Variants in BMP5 observed in about 807,000 individuals in gnomAD.
BMP5 encodes bone morphogenetic protein 5.
In BMP5, 23 loss-of-function variants were observed where a neutral mutation model predicts 46.6. That is an observed-to-expected ratio of 0.49 (90% CI 0.35 to 0.70). BMP5 has a LOEUF of 0.70. Among genes scored for constraint, BMP5 ranks in the 30% least tolerant of loss-of-function variants. The pLI is 0.00. For missense variants in BMP5, 545 were observed against 565.6 expected (o/e 0.96, Z 0.37); for synonymous variants, 204 against 191.9 (o/e 1.06, Z -0.52).
At chr6:55,791,716 CA>C (rs1562039842) in intron 3 of BMP5, among the ~76,000 whole-genome samples, 1 of 151,692 alleles carries the variant, frequency 6.6e-6, no homozygotes, top group Admixed American at 6.6e-5. Flanking sequence ...GGGGAAAAAA[CA>C]AAAAGAGAAA....
At chr6:55,846,303 G>C (rs973798780) in intron 1 of BMP5, among the ~76,000 whole-genome samples, 1 of 151,864 alleles carries the variant, frequency 6.6e-6, no homozygotes, top group Non-Finnish European at 1.5e-5. Context: ...AATAGAAAGG[G>C]AAATATAAAT....
At chr6:55,827,074 C>T (rs1240039898) in intron 1 of BMP5, among the ~76,000 whole-genome samples, 1 of 151,696 alleles carries the variant, frequency 6.6e-6, no homozygotes, top group East Asian at 1.9e-4. Flanking sequence ...CTTCCTTTTT[C>T]CTCTACCTTA....
chr6:55,772,583 T>C (rs1196555107), intron 4 of BMP5, among the ~76,000 whole-genome samples: 2 of 151,932 alleles, frequency 1.3e-5, no homozygotes, highest in African/African-American at 4.8e-5. Context: ...GAAAAGGTCT[T>C]AGAAAGTTAT....
At chr6:55,812,382 G>T (rs918468060) in intron 2 of BMP5, among the ~76,000 whole-genome samples, 2 of 152,018 alleles carry the variant, frequency 1.3e-5, no homozygotes, top group African/African-American at 4.8e-5. Flanking sequence ...AAGAAAAGAG[G>T]TGACATAATG....
At chr6:55,763,732 T>C (rs1171438211) in intron 4 of BMP5, among the ~76,000 whole-genome samples, 1 of 152,150 alleles carries the variant, frequency 6.6e-6, no homozygotes, top group Non-Finnish European at 1.5e-5. Flanking sequence ...ACATGTCTTA[T>C]CCATAGTGCA....
At chr6:55,857,187 G>T (rs12201711) in intron 1 of BMP5, among the ~76,000 whole-genome samples, 1 of 152,076 alleles carries the variant, frequency 6.6e-6, no homozygotes, top group South Asian at 2.1e-4. Context: ...TCACTCAACT[G>T]CTTCTTCAGT....
intron 2 of BMP5, among the ~76,000 whole-genome samples, 190 bp from the exon 3 acceptor site, chr6:55,794,617 C>A (rs891994692): frequency 1.3e-5 from 2 of 152,158 alleles, no homozygotes; most frequent in African/African-American, 4.8e-5. Context: ...CCAACCAAAC[C>A]TGGTACAAAT....
chr6:55,845,453 C>T lies in BMP5; in HGVS notation c.491-25606G>A, dbSNP rs146900480. 3.4e-3 allele frequency among the ~76,000 whole-genome samples: 517 copies of T among 151,904 alleles called. 2 individuals are homozygous for T. Among genetic ancestry groups the T allele is most frequent in the African/African-American group, 0.011 (469 of 41,494 alleles). On this transcript the variant is annotated intron_variant, in intron 1 of 6. Transcript: ENST00000370830. ...ATGTAGTGACATAACCACAAGGCGACGGGATTTCCATGGATTGTGTGAATA... is the reference window on the plus strand; with the variant it reads ...ATGTAGTGACATAACCACAAGGCGATGGGATTTCCATGGATTGTGTGAATA...
chr6:55,854,796 TACTC>T (rs1274231469), intron 1 of BMP5, among the ~76,000 whole-genome samples: 1 of 152,178 alleles, frequency 6.6e-6, no homozygotes, highest in Non-Finnish European at 1.5e-5. Context: ...CTTTTAAAAA[TACTC>T]AATTTCAATT....
chr6:55,783,905 T>C (rs1390010069), intron 3 of BMP5, among the ~76,000 whole-genome samples: 2 of 151,932 alleles, frequency 1.3e-5, no homozygotes, highest in Non-Finnish European at 2.9e-5. Flanking sequence ...AAAGAAACCT[T>C]AAAAATTAGT....
intron 1 of BMP5, among the ~76,000 whole-genome samples, chr6:55,869,336 C>A (rs1376051779): frequency 1.3e-5 from 2 of 152,130 alleles, no homozygotes; most frequent in South Asian, 2.1e-4. Context: ...GAAAAACCAG[C>A]CTTTAATGAC....
At chr6:55,830,368 A>G (rs1339137349) in intron 1 of BMP5, among the ~76,000 whole-genome samples, 11 of 152,002 alleles carry the variant, frequency 7.2e-5, no homozygotes, top group Admixed American at 7.2e-4. Context: ...ACAGTCTCAT[A>G]TTTGGGTTGA....
intron 1 of BMP5, among the ~76,000 whole-genome samples, chr6:55,823,629 T>C (rs1776461640): frequency 6.6e-6 from 1 of 152,128 alleles, no homozygotes; most frequent in East Asian, 1.9e-4. Context: ...GGAGTGTGTT[T>C]TTCTGAATAT....
intron 5 of BMP5, 61 bp downstream of exon 5, chr6:55,760,396 A>G: frequency 1.4e-6 from 2 of 1,466,160 alleles, no homozygotes; most frequent in Non-Finnish European, 1.9e-6. Context: ...AAAGACTATG[A>G]CTTATTAAGG....
chr6:55,851,673 C>A (rs1006509822), intron 1 of BMP5, among the ~76,000 whole-genome samples: 1 of 152,106 alleles, frequency 6.6e-6, no homozygotes, highest in Non-Finnish European at 1.5e-5. Context: ...GCAAGTATAA[C>A]TTCGGTAAAA....
intron 1 of BMP5, among the ~76,000 whole-genome samples, chr6:55,847,487 G>A (rs1313379787): frequency 6.6e-6 from 1 of 151,808 alleles, no homozygotes; most frequent in Non-Finnish European, 1.5e-5. Flanking sequence ...GGCCTTAAAG[G>A]TAGACTGATA....
At chr6:55,785,230 G>T (rs1258363415) in intron 3 of BMP5, among the ~76,000 whole-genome samples, 1 of 151,784 alleles carries the variant, frequency 6.6e-6, no homozygotes, top group East Asian at 1.9e-4. Flanking sequence ...TGAAATCAGC[G>T]TATAAAAAAG....
In BMP5 at chr6:55,870,018, G is replaced by A. The variant is rs74500683; in HGVS notation, c.490+4358C>T. On this transcript the variant is annotated intron_variant, in intron 1 of 6. Coordinates refer to ENST00000370830, the MANE Select transcript of BMP5 (RefSeq NM_021073.4). The stretch of plus-strand genomic sequence containing the variant: ...TGGGGCTACAGAGACCAAGAACAAG[G>A]AGGAAAGGCCAAAAAATACTGGGAT... Among the ~76,000 whole-genome samples the A allele has an allele frequency of 5.6e-3, 857 of 152,154 alleles. 13 individuals are homozygous for A. The highest frequency in any genetic ancestry group is 0.019 in the African/African-American group (793 of 41,508).
intron 2 of BMP5, among the ~76,000 whole-genome samples, chr6:55,799,794 G>T (rs1037274504): frequency 6.6e-6 from 1 of 152,108 alleles, no homozygotes; most frequent in Non-Finnish European, 1.5e-5. Context: ...TACAGACATG[G>T]CTTCTGTTCC....
Sources: gnomAD v4.1 joint callset for allele counts (sites outside exome capture counted in the v4.1 genomes callset) on GRCh38, gnomAD v4.1.1 for gene constraint, MANE v1.5 for transcripts, NCBI Gene and HGNC (gene_info 2026-07-23, HGNC 2026-07-21) for gene names.